The following MECOM variants were observed in gnomAD, a reference collection of about 807,000 sequenced individuals.
The protein encoded by MECOM is histone-lysine N-methyltransferase MECOM.
In MECOM, 13 loss-of-function variants were observed where a neutral mutation model predicts 116.3. The observed-to-expected ratio is 0.11, with a 90% CI of 0.07 to 0.18. The LOEUF is 0.18. Ranked by LOEUF, MECOM falls within the 10% of genes least tolerant of loss-of-function variation. The pLI is 1.00. For synonymous variants in MECOM, 528 were observed against 535.2 expected, an observed-to-expected ratio of 0.99 and a Z score of 0.19; for missense variants, 1,299 against 1,509.0, an observed-to-expected ratio of 0.86 and a Z score of 2.31.
At chr3:169,626,229 T>A (rs1326968532) in intron 1 of MECOM, among the ~76,000 whole-genome samples, 2 of 152,228 alleles carry the variant, frequency 1.3e-5, no homozygotes, top group Admixed American at 1.3e-4. Flanking sequence ...CTCACCCTCC[T>A]AAACCTGAAG....
chr3:169,335,096 A>G (rs188427396), intron 2 of MECOM, among the ~76,000 whole-genome samples: 1 of 152,144 alleles, frequency 6.6e-6, no homozygotes, highest in Admixed American at 6.6e-5. Flanking sequence ...TGTCATTCCT[A>G]TGCTTAGGTG....
intron 1 of MECOM, among the ~76,000 whole-genome samples, chr3:169,502,434 A>C (rs1358209317): frequency 6.6e-6 from 1 of 152,002 alleles, no homozygotes; most frequent in African/African-American, 2.4e-5. Flanking sequence ...GCTTTCCTTT[A>C]ATTCTGTGTG....
At position 169,413,424 on chromosome 3, in the gene MECOM, G is replaced by A. The variant is rs1445899969; in HGVS notation, c.38-31900C>T. On this transcript the variant is annotated intron_variant, in intron 1 of 16. Coordinates refer to ENST00000651503, the MANE Select transcript of MECOM (RefSeq NM_004991.4). ...CCCTCGGTATCAAGCACAAACCTGG[G>A]GGGCCATTTGGGCAGACACCAAGCT... 2.6e-5 allele frequency among the ~76,000 whole-genome samples: 4 copies of A among 151,984 alleles called. No individual in the cohort carries two copies. The East Asian group carries it at 5.8e-4, about 22-fold the overall frequency.
At chr3:169,564,222 G>A (rs561319067) in intron 1 of MECOM, among the ~76,000 whole-genome samples, 1 of 152,164 alleles carries the variant, frequency 6.6e-6, no homozygotes, top group African/African-American at 2.4e-5. Context: ...AAACATACAA[G>A]ACATCTACTT....
chr3:169,177,464 G>A (rs1295432162), intron 2 of MECOM, among the ~76,000 whole-genome samples: 2 of 152,094 alleles, frequency 1.3e-5, no homozygotes, highest in African/African-American at 2.4e-5. Flanking sequence ...ACCAGGGCCT[G>A]TTTGGGGGTG....
chr3:169,400,001 C>G (rs1244616875), intron 1 of MECOM, among the ~76,000 whole-genome samples: 1 of 152,158 alleles, frequency 6.6e-6, no homozygotes, highest in African/African-American at 2.4e-5. Flanking sequence ...AGGATAAATA[C>G]TCAACATTCT....
intron 2 of MECOM, among the ~76,000 whole-genome samples, chr3:169,165,317 A>G (rs1014835867): frequency 6.6e-6 from 1 of 152,202 alleles, no homozygotes; most frequent in Non-Finnish European, 1.5e-5. Context: ...TGTAAAATTG[A>G]TTGATTTCAG....
chr3:169,191,717 A>AG, intron 2 of MECOM, among the ~76,000 whole-genome samples: 1 of 26,732 alleles, frequency 3.7e-5, no homozygotes. Context: ...AGAAAGAAAG[A>AG]AAAAAAGAAA....
chr3:169,459,842 C>T (rs1747131017), intron 1 of MECOM, among the ~76,000 whole-genome samples: 1 of 152,170 alleles, frequency 6.6e-6, no homozygotes, highest in East Asian at 1.9e-4. Context: ...GCCTGTGATG[C>T]TCTACCCTAT....
chr3:169,278,001 G>A (rs1012297271), intron 2 of MECOM, among the ~76,000 whole-genome samples: 2 of 152,148 alleles, frequency 1.3e-5, no homozygotes, highest in African/African-American at 4.8e-5. Context: ...ACTTAGTAGA[G>A]AAATAAAACA....
chr3:169,320,158 T>C (rs925380667), intron 2 of MECOM, among the ~76,000 whole-genome samples: 1 of 152,204 alleles, frequency 6.6e-6, no homozygotes, highest in African/African-American at 2.4e-5. Flanking sequence ...ATGCGGATTT[T>C]AGAATGTATG....
intron 1 of MECOM, among the ~76,000 whole-genome samples, chr3:169,567,047 G>A (rs1270877119): frequency 2.0e-5 from 3 of 152,212 alleles, no homozygotes; most frequent in African/African-American, 4.8e-5. Context: ...GTTGACGATG[G>A]TTTATGTCGT....
At chr3:169,620,021 T>C (rs1770515016) in intron 1 of MECOM, among the ~76,000 whole-genome samples, 1 of 152,166 alleles carries the variant, frequency 6.6e-6, no homozygotes, top group Non-Finnish European at 1.5e-5. Flanking sequence ...TGCTAGAATA[T>C]CGTGTCAACA....
At chr3:169,610,300 G>A (rs1049551863) in intron 1 of MECOM, among the ~76,000 whole-genome samples, 1 of 152,088 alleles carries the variant, frequency 6.6e-6, no homozygotes, top group Admixed American at 6.5e-5. Flanking sequence ...CCCCTCAGTG[G>A]CACTGGAATC....
At chr3:169,224,534 A>G (rs1056077008) in intron 2 of MECOM, among the ~76,000 whole-genome samples, 2 of 152,176 alleles carry the variant, frequency 1.3e-5, no homozygotes, top group East Asian at 1.9e-4. Context: ...TCCTGAGTCT[A>G]TCACTTCAGT....
At chr3:169,661,798 G>A (rs1031098212) in intron 1 of MECOM, among the ~76,000 whole-genome samples, 17 of 152,156 alleles carry the variant, frequency 1.1e-4, no homozygotes, top group African/African-American at 4.1e-4. Context: ...GGGTCGCGCG[G>A]GGGGAGACTG....
rs59370678 is a variant in MECOM at position 169,611,923 on chromosome 3, A to T, written c.37+51413T>A. ...TCTAGAACACGGTTTCTAAATCTCAACGCTATTGACATTTTGAGCCAGATA... is the reference window on the plus strand; with the variant it reads ...TCTAGAACACGGTTTCTAAATCTCATCGCTATTGACATTTTGAGCCAGATA... On this transcript the variant is annotated intron_variant, in intron 1 of 16. Coordinates refer to ENST00000651503, the MANE Select transcript of MECOM (RefSeq NM_004991.4). This position sits in a 1 kb window ranked among gnomAD's most constrained non-coding sequence, Gnocchi z 4.1. Among the ~76,000 whole-genome samples the T allele has an allele frequency of 0.026, 3,907 of 152,280 alleles. 184 individuals are homozygous for T. Among genetic ancestry groups the T allele is most frequent in the African/African-American group, 0.09 (3,733 of 41,536 alleles).
At chr3:169,577,089 G>A (rs1364490642) in intron 1 of MECOM, among the ~76,000 whole-genome samples, 1 of 152,168 alleles carries the variant, frequency 6.6e-6, no homozygotes, top group African/African-American at 2.4e-5. Context: ...TCTAAGCTGA[G>A]TGACTATAAG....
intron 1 of MECOM, among the ~76,000 whole-genome samples, chr3:169,395,735 C>A (rs1157576605): frequency 6.6e-6 from 1 of 152,166 alleles, no homozygotes; most frequent in African/African-American, 2.4e-5. Context: ...GAACAGTAAA[C>A]CAGTGTCAAA....
Sources: gnomAD v4.1 joint callset for allele counts (sites outside exome capture counted in the v4.1 genomes callset) on GRCh38, gnomAD v4.1.1 for gene constraint, Gnocchi (gnomAD v3.1) non-coding constraint, MANE v1.5 for transcripts, NCBI Gene and HGNC (gene_info 2026-07-23, HGNC 2026-07-21) for gene names.